DNAH1: variants seen among roughly 807,000 people sequenced by gnomAD.
The protein encoded by DNAH1 is axonemal beta dynein heavy chain 1.
In DNAH1, 327 loss-of-function variants were observed where a neutral mutation model predicts 484.3. That is an observed-to-expected ratio of 0.68 (90% CI 0.62 to 0.74). The LOEUF is 0.74. Among genes scored for constraint, DNAH1 ranks in the 30% least tolerant of loss-of-function variants. DNAH1 has a pLI of 0.00. For synonymous variants in DNAH1, 2,192 were observed against 2,191.9 expected (o/e 1.00, Z 0.00); for missense variants, 5,052 against 5,546.8 (o/e 0.91, Z 2.83).
chr3:52,333,679 A>G (rs1390285538), intron 8 of DNAH1, among the ~76,000 whole-genome samples: 1 of 152,128 alleles, frequency 6.6e-6, no homozygotes, highest in Non-Finnish European at 1.5e-5. Context: ...CACCATGCCC[A>G]GCCAACTTAC....
At chr3:52,376,852 T>C (rs1703627555) in intron 46 of DNAH1, among the ~76,000 whole-genome samples, 2 of 152,000 alleles carry the variant, frequency 1.3e-5, no homozygotes, top group South Asian at 4.1e-4. Flanking sequence ...TGTCACCAGT[T>C]GCCTTCTGTG....
At position 52,395,144 on chromosome 3, in the gene DNAH1, T is replaced by A; in HGVS notation, c.10968+85T>A. ...GGGCCCTGGCTGCATCTGGATAGAC[T>A]ACTTGGCCAGGCCAGGACCCCTGCT... is the stretch of plus-strand genomic sequence containing the variant. On this transcript the variant is annotated intron_variant, in intron 68 of 77. Coordinates refer to ENST00000420323, the MANE Select transcript of DNAH1 (RefSeq NM_015512.5). This position sits in a 1 kb window ranked among gnomAD's most constrained non-coding sequence, Gnocchi z 4.4. The A allele has an allele frequency of 6.6e-7, 1 of 1,525,312 alleles. No individual in the cohort carries two copies. The highest frequency in any genetic ancestry group is 8.8e-7 in the Non-Finnish European group (1 of 1,131,910). The allele number at this position is 1,525,312 out of a possible 1,614,324, so 94.5% of individuals were successfully genotyped here. A position where few individuals can be genotyped will look rare whatever the true frequency, so the allele number is the denominator to read the frequency against.
At chr3:52,370,256 G>A in intron 39 of DNAH1, 27 bp downstream of exon 39, 1 of 1,609,172 alleles carries the variant, frequency 6.2e-7, no homozygotes, top group Non-Finnish European at 8.5e-7. Context: ...GGGGCTAGAT[G>A]CACCTGGTCC....
chr3:52,397,814 C>G lies in DNAH1; in HGVS notation c.11895C>G (p.Leu3965=), dbSNP rs1317951288. 1 of 1,613,454 alleles carries G rather than the reference C, an allele frequency of 6.2e-7. No homozygotes were observed. Among genetic ancestry groups the G allele is most frequent in the Non-Finnish European group, 8.5e-7 (1 of 1,179,638 alleles). ...ITFAQNETFA[L]LGTIIQLQPK... Reference sequence around the variant, plus strand: ...TTGCCCAGAACGAGACGTTCGCCCTCCTGGGCACCATCATCCAGCTGCAAC... The same window carrying G: ...TTGCCCAGAACGAGACGTTCGCCCTGCTGGGCACCATCATCCAGCTGCAAC... The change falls in exon 74 of 78, where the codon CTC becomes CTG. Residue 3965 remains leucine, a synonymous_variant. Transcript: ENST00000420323.
Position 52,396,699 on chromosome 3 carries a change from G to A in DNAH1, c.11512G>A (p.Gly3838Ser), listed in dbSNP as rs1704645330. The change falls in exon 72 of 78, where the codon GGC (glycine) becomes AGC (serine). Residue 3838 changes from glycine to serine, a missense_variant. Physicochemically the swap from Gly to Ser is moderately conservative, Grantham distance 56 (BLOSUM62 0). Transcript: ENST00000420323. ...ALERRKFGPL[G>S]FNIPYEFTDG... ...GGAGCGCCGTAAGTTTGGGCCCCTG[G>A]GCTTCAACATCCCCTATGAGTTCAC... The A allele has an allele frequency of 1.9e-6, 3 of 1,613,758 alleles. No homozygotes were observed. Among genetic ancestry groups the A allele is most frequent in the Middle Eastern group, 1.6e-4 (1 of 6,062 alleles).
chr3:52,331,325 G>A lies in DNAH1; in HGVS notation c.1033+16G>A, dbSNP rs765939510. On this transcript the variant is annotated intron_variant, in intron 7 of 77. Coordinates refer to ENST00000420323, the MANE Select transcript of DNAH1 (RefSeq NM_015512.5). The stretch of plus-strand genomic sequence containing the variant: ...ACCACTGAAGGTATGAGGTCCTGCC[G>A]CTGCCCCAGGCAGAACCCCAGCTTG... 56 of 1,591,634 alleles carry A rather than the reference G, an allele frequency of 3.5e-5. No individual in the cohort carries two copies. In the East Asian group the frequency reaches 8.7e-4, roughly 25 times the overall value.
chr3:52,373,908 G>A, intron 44 of DNAH1: 1 of 1,373,300 alleles, frequency 7.3e-7, no homozygotes, highest in Non-Finnish European at 1.0e-6. Flanking sequence ...TACGGGAGCA[G>A]AATTTGACTC....
At chr3:52,378,552 G>T (rs746741400) in intron 46 of DNAH1, 50 bp from the exon 47 acceptor site, 1 of 1,590,488 alleles carries the variant, frequency 6.3e-7, no homozygotes, top group Non-Finnish European at 8.6e-7. Flanking sequence ...TGCAGAGGCG[G>T]CAGAGGGAGC....
intron 17 of DNAH1, 43 bp from the exon 18 acceptor site, chr3:52,352,509 T>G: frequency 6.3e-7 from 1 of 1,586,904 alleles, no homozygotes; most frequent in Non-Finnish European, 8.6e-7. Context: ...TGGACACAAG[T>G]GGGGCTGCAG....
rs781097233 is a variant in DNAH1, at chr3:52,391,026, G to A, written c.9713G>A (p.Ser3238Asn). The A allele has an allele frequency of 1.3e-6, 2 of 1,557,632 alleles. No homozygotes were observed. Among genetic ancestry groups the A allele is most frequent in the Non-Finnish European group, 1.7e-6 (2 of 1,150,430 alleles). ...TGGACCCACTTCATTGACCCTCAGAGCCAGGCCAACAAATGGATCAAGAAC... is the reference window on the plus strand; with the variant it reads ...TGGACCCACTTCATTGACCCTCAGAACCAGGCCAACAAATGGATCAAGAAC... ...QRWTHFIDPQ[S>N]QANKWIKNME... is the part of the protein sequence containing the mutation. Residue 3238 changes from serine (S) to asparagine (N), a missense_variant, in exon 61 of 78, where the codon AGC becomes AAC. Transcript: ENST00000420323.
intron 46 of DNAH1, among the ~76,000 whole-genome samples, chr3:52,378,078 G>A (rs1703679522): frequency 6.6e-6 from 1 of 152,114 alleles, no homozygotes; most frequent in Non-Finnish European, 1.5e-5. Context: ...GCACAGAATT[G>A]GATAGTTTTC....
chr3:52,313,413 A>G (rs545306927), upstream of DNAH1, among the ~76,000 whole-genome samples: 1 of 152,268 alleles, frequency 6.6e-6, no homozygotes, highest in African/African-American at 2.4e-5. Context: ...TTCTCATGGC[A>G]ATGGGTCTTT....
intron 1 of DNAH1, among the ~76,000 whole-genome samples, chr3:52,322,033 C>G (rs961682717): frequency 3.9e-5 from 6 of 152,170 alleles, no homozygotes; most frequent in African/African-American, 9.7e-5. Flanking sequence ...TGAGCAAGCT[C>G]TGGGCCTCCC....
chr3:52,349,301 A>C lies in DNAH1; in HGVS notation c.2407A>C (p.Ile803Leu). Reference sequence around the variant, plus strand: ...CAGCTCGCTGCCCAGCAGCATCATCATTGGGCCTTTCTACATCAACACCGA... The same window carrying C: ...CAGCTCGCTGCCCAGCAGCATCATCCTTGGGCCTTTCTACATCAACACCGA... ...LDSSLPSSII[I>L]GPFYINTDNV... Residue 803 changes from isoleucine (I) to leucine (L), a missense_variant, in exon 14 of 78, where the codon ATT becomes CTT. Physicochemically the swap from Ile to Leu is conservative, Grantham distance 5. This residue lies in a region of DNAH1 where 1,263 missense variants were observed against 1,218.8 expected (regional missense o/e 1.04). Transcript: ENST00000420323. 6.2e-7 allele frequency: 1 copy of C among 1,613,964 alleles called. No homozygotes were observed. Among genetic ancestry groups the C allele is most frequent in the East Asian group, 2.2e-5 (1 of 44,866 alleles).
Position 52,358,776 on chromosome 3 carries a change from AC to A in DNAH1, c.4266+43del. The A allele has an allele frequency of 6.2e-6, 10 of 1,607,488 alleles. No individual in the cohort carries two copies. The highest frequency in any genetic ancestry group is 8.5e-6 in the Non-Finnish European group (10 of 1,178,040). The stretch of plus-strand genomic sequence containing the variant: ...AGCCCGTGCAGCCTTCCACCCCTGC[AC>A]CCCTCTGCTCCCTCTCAGTGCCCCT... On this transcript the variant is annotated intron_variant, in intron 25 of 77. Transcript: ENST00000420323. The surrounding 1 kb of genome is among the most constrained non-coding windows in gnomAD (Gnocchi z 4.2).
Position 52,361,340 on chromosome 3 carries a change from A to G in DNAH1, c.4862A>G (p.Lys1621Arg). 1 of 1,589,774 alleles carries G rather than the reference A, an allele frequency of 6.3e-7. No homozygotes were observed. Among genetic ancestry groups the G allele is most frequent in the Admixed American group, 1.8e-5 (1 of 56,468 alleles). The change falls in exon 29 of 78, where the codon AAG (lysine) becomes AGG (arginine). Residue 1621 changes from lysine to arginine, a missense_variant. By Grantham distance (26) the Lys-to-Arg change is conservative. This residue lies in a region of DNAH1 where 2,929 missense variants were observed against 3,409.4 expected (regional missense o/e 0.86). Coordinates refer to ENST00000420323, the MANE Select transcript of DNAH1 (RefSeq NM_015512.5). This position sits in a 1 kb window ranked among gnomAD's most constrained non-coding sequence, Gnocchi z 5.6. ...LDFMAMGKFF[K>R]GLASAGAWAC... The stretch of plus-strand genomic sequence containing the variant: ...TTCATGGCCATGGGCAAGTTCTTCA[A>G]GGGCCTGGCCAGGTGAGGCTGGGCA...
At position 52,368,708 on chromosome 3, in the gene DNAH1, A is replaced by T; in HGVS notation, c.5766-33A>T. On this transcript the variant is annotated intron_variant, in intron 36 of 77. Transcript: ENST00000420323. This position sits in a 1 kb window ranked among gnomAD's most constrained non-coding sequence, Gnocchi z 4.4. Reference sequence around the variant, plus strand: ...CTGTGCTCGAAGCACCGCCTCCCTGATGTTTCCAGCCCTCTCCTCCCTGGC... The same window carrying T: ...CTGTGCTCGAAGCACCGCCTCCCTGTTGTTTCCAGCCCTCTCCTCCCTGGC... The T allele has an allele frequency of 1.3e-6, 2 of 1,596,252 alleles. No individual in the cohort carries two copies. The highest frequency in any genetic ancestry group is 2.2e-5 in the South Asian group (2 of 90,226).
chr3:52,386,908 CA>C, intron 56 of DNAH1, 55 bp downstream of exon 56: 1 of 1,476,286 alleles, frequency 6.8e-7, no homozygotes, highest in East Asian at 2.5e-5. Flanking sequence ...GCCCGCCCGG[CA>C]GGACAGTGAA....
At chr3:52,370,427 C>G (rs768419207) in intron 39 of DNAH1, 50 bp from the exon 40 acceptor site, 3 of 1,609,890 alleles carry the variant, frequency 1.9e-6, no homozygotes, top group Non-Finnish European at 8.5e-7. Context: ...TTCCTCAGGC[C>G]GCTTGATACT....
Sources: allele counts gnomAD v4.1 joint callset (sites outside exome capture counted in the v4.1 genomes callset), GRCh38; gene constraint gnomAD v4.1.1; regional missense constraint gnomAD v4.1.1; non-coding constraint Gnocchi (gnomAD v3.1); transcripts MANE v1.5; gene names NCBI Gene and HGNC (gene_info 2026-07-23, HGNC 2026-07-21).